HCN1: variants seen among roughly 807,000 people sequenced by gnomAD.
HCN1 encodes the protein hyperpolarization activated cyclic nucleotide gated potassium channel 1.
A neutral mutation model predicts 78.9 loss-of-function variants in HCN1; 13 were observed. The ratio of observed to expected loss-of-function variants is 0.16; its 90% CI spans 0.11 to 0.26. HCN1 has a LOEUF of 0.26. Ranked by LOEUF, HCN1 falls within the 10% of genes least tolerant of loss-of-function variation. The pLI, the probability that HCN1 is intolerant of heterozygous loss-of-function variation, is 1.00. For missense variants in HCN1, 810 were observed against 1,154.3 expected, an observed-to-expected ratio of 0.70 and a Z score of 4.32; for synonymous variants, 552 against 455.5, an observed-to-expected ratio of 1.21 and a Z score of -2.70.
intron 3 of HCN1, among the ~76,000 whole-genome samples, chr5:45,417,029 C>A (rs1365854006): frequency 1.3e-5 from 2 of 152,002 alleles, no homozygotes; most frequent in African/African-American, 4.8e-5. Context: ...AAAGTTTGAA[C>A]CTGCTTTACA....
chr5:45,696,169 A>T lies in HCN1; in HGVS notation c.-76T>A. On this transcript the variant is annotated 5_prime_UTR_variant, in exon 1 of 8. Transcript: ENST00000303230. ...CCGGCGCCGGAGACACGTAGCCGAG[A>T]GGGTAGGGGCCCGAGCCGGCTGCCG... The T allele has an allele frequency of 9.9e-7, 1 of 1,007,090 alleles. No homozygotes were observed. Among genetic ancestry groups the T allele is most frequent in the Non-Finnish European group, 1.2e-6 (1 of 803,550 alleles). The allele number at this position is 1,007,090 out of a possible 1,614,324, so 62.4% of individuals were successfully genotyped here. A position where few individuals can be genotyped will look rare whatever the true frequency, so the allele number is the denominator to read the frequency against.
At chr5:45,682,256 C>CATAT (rs997230551) in intron 1 of HCN1, among the ~76,000 whole-genome samples, 10 of 132,152 alleles carry the variant, frequency 7.6e-5, no homozygotes, top group African/African-American at 2.6e-4. Flanking sequence ...AACAAGATAT[C>CATAT]ATATATATAT....
intron 2 of HCN1, among the ~76,000 whole-genome samples, chr5:45,470,408 A>G (rs1741367288): frequency 6.6e-6 from 1 of 151,954 alleles, no homozygotes; most frequent in Non-Finnish European, 1.5e-5. Context: ...CCCCCCTAAA[A>G]AAGAACATAA....
At chr5:45,604,401 C>T (rs1189038781) in intron 2 of HCN1, among the ~76,000 whole-genome samples, 1 of 151,776 alleles carries the variant, frequency 6.6e-6, no homozygotes, top group Non-Finnish European at 1.5e-5. Flanking sequence ...CATTATTCAA[C>T]TTTCCAGTTA....
intron 5 of HCN1, among the ~76,000 whole-genome samples, chr5:45,338,143 TTAACTGA>T (rs1382766178): frequency 6.6e-6 from 1 of 152,158 alleles, no homozygotes; most frequent in Non-Finnish European, 1.5e-5. Flanking sequence ...TAGTACAGAC[TTAACTGA>T]TAATGAATAT....
At chr5:45,473,245 A>C (rs936323219) in intron 2 of HCN1, among the ~76,000 whole-genome samples, 2 of 151,914 alleles carry the variant, frequency 1.3e-5, no homozygotes, top group Non-Finnish European at 2.9e-5. Flanking sequence ...ATCTCGAGAG[A>C]ACCTTACAAC....
intron 2 of HCN1, among the ~76,000 whole-genome samples, chr5:45,488,580 A>G (rs538268667): frequency 6.6e-6 from 1 of 152,238 alleles, no homozygotes; most frequent in Non-Finnish European, 1.5e-5. Flanking sequence ...CATAAAATAT[A>G]TTGAAATGCT....
chr5:45,310,608 G>A (rs1745830276), intron 5 of HCN1, among the ~76,000 whole-genome samples: 1 of 152,134 alleles, frequency 6.6e-6, no homozygotes, highest in South Asian at 2.1e-4. Context: ...ACAGTGTAGT[G>A]ATTCCTTAAA....
At chr5:45,554,916 G>T (rs1250929885) in intron 2 of HCN1, among the ~76,000 whole-genome samples, 1 of 151,878 alleles carries the variant, frequency 6.6e-6, no homozygotes, top group East Asian at 1.9e-4. Flanking sequence ...AAACTATGGA[G>T]CTCAGGCATA....
At chr5:45,690,835 T>C (rs1024295733) in intron 1 of HCN1, among the ~76,000 whole-genome samples, 1 of 152,090 alleles carries the variant, frequency 6.6e-6, no homozygotes, top group Non-Finnish European at 1.5e-5. Flanking sequence ...GTAGTGCTAA[T>C]GATCTGCAAT....
chr5:45,467,385 T>C (rs765897941), intron 2 of HCN1, among the ~76,000 whole-genome samples: 1 of 152,130 alleles, frequency 6.6e-6, no homozygotes, highest in Non-Finnish European at 1.5e-5. Flanking sequence ...TCTATTTGCC[T>C]ACACTACCCA....
chr5:45,544,601 T>TC, intron 2 of HCN1, among the ~76,000 whole-genome samples: 1 of 45,478 alleles, frequency 2.2e-5, no homozygotes, highest in South Asian at 8.9e-4. Flanking sequence ...CCCTCCCCCC[T>TC]CCCCCCATCC....
At chr5:45,356,900 T>C (rs1205399555) in intron 4 of HCN1, among the ~76,000 whole-genome samples, 3 of 152,052 alleles carry the variant, frequency 2.0e-5, no homozygotes, top group African/African-American at 7.2e-5. Flanking sequence ...CAAAGCCAAA[T>C]GGTGTGAGTA....
At chr5:45,686,278 G>GAACATAT in intron 1 of HCN1, among the ~76,000 whole-genome samples, 1 of 151,312 alleles carries the variant, frequency 6.6e-6, no homozygotes, top group Non-Finnish European at 1.5e-5. Context: ...ATTATAAGGA[G>GAACATAT]AACATATAAG....
At chr5:45,654,532 T>C (rs1346230372) in intron 1 of HCN1, among the ~76,000 whole-genome samples, 1 of 152,132 alleles carries the variant, frequency 6.6e-6, no homozygotes, top group Non-Finnish European at 1.5e-5. Flanking sequence ...GTCATGTCGT[T>C]CTCAACAAAA....
chr5:45,284,030 C>A (rs887524631), intron 6 of HCN1, among the ~76,000 whole-genome samples: 1 of 152,044 alleles, frequency 6.6e-6, no homozygotes, highest in Non-Finnish European at 1.5e-5. Context: ...CCTTAGCAAA[C>A]TAATGCAGGA....
chr5:45,598,593 T>G (rs950171207), intron 2 of HCN1, among the ~76,000 whole-genome samples: 2 of 152,198 alleles, frequency 1.3e-5, no homozygotes, highest in African/African-American at 4.8e-5. Flanking sequence ...GAAGAGCTTC[T>G]GCACGGCAAA....
intron 2 of HCN1, among the ~76,000 whole-genome samples, chr5:45,464,490 T>C (rs373714952): frequency 6.6e-6 from 1 of 152,114 alleles, no homozygotes; most frequent in African/African-American, 2.4e-5. Flanking sequence ...TGGACATTAA[T>C]ATTATGTGTT....
chr5:45,483,903 G>A (rs976707037), intron 2 of HCN1, among the ~76,000 whole-genome samples: 12 of 152,004 alleles, frequency 7.9e-5, no homozygotes, highest in Admixed American at 7.2e-4. Context: ...ATTTTTGTTG[G>A]CCTTGTTGAA....
Sources: gnomAD v4.1 joint callset for allele counts (sites outside exome capture counted in the v4.1 genomes callset) on GRCh38, gnomAD v4.1.1 for gene constraint, MANE v1.5 for transcripts, NCBI Gene and HGNC (gene_info 2026-07-23, HGNC 2026-07-21) for gene names.